CD2AP: variants seen among roughly 807,000 people sequenced by gnomAD.
CD2AP encodes the protein CD2-associated protein.
In CD2AP, 46 loss-of-function variants were observed where a neutral mutation model predicts 85.1. That is an observed-to-expected ratio of 0.54 (90% CI 0.43 to 0.69). CD2AP has a LOEUF of 0.69. CD2AP is among the 30% of genes least tolerant of loss of function. The pLI is 0.00. For synonymous variants in CD2AP, 255 were observed against 252.9 expected (o/e 1.01, Z -0.08); for missense variants, 769 against 729.5 (o/e 1.05, Z -0.62).
intron 1 of CD2AP, among the ~76,000 whole-genome samples, chr6:47,484,135 T>A (rs1263315842): frequency 6.6e-6 from 1 of 152,150 alleles, no homozygotes; most frequent in African/African-American, 2.4e-5. Context: ...AGCTTTTGTT[T>A]ATTTTGGCTT....
rs1215757994 is a variant in CD2AP, at chr6:47,602,161, A to G, written c.1417+2718A>G. 2.6e-5 allele frequency among the ~76,000 whole-genome samples: 4 copies of G among 152,124 alleles called. No individual in the cohort carries two copies. The East Asian group carries it at 7.7e-4, about 29-fold the overall frequency. On this transcript the variant is annotated intron_variant, in intron 13 of 17. Coordinates refer to ENST00000359314, the MANE Select transcript of CD2AP (RefSeq NM_012120.3). ...AAACGTTTATGTGTATATATAAACT[A>G]TGTATATAAATGCAGACTGACTTTT...
intron 11 of CD2AP, among the ~76,000 whole-genome samples, chr6:47,589,096 C>T (rs1019219220): frequency 6.6e-6 from 1 of 151,790 alleles, no homozygotes; most frequent in African/African-American, 2.4e-5. Context: ...ATGATTATGA[C>T]GATGGGGAAA....
At chr6:47,493,227 GA>G (rs1218635706) in intron 1 of CD2AP, among the ~76,000 whole-genome samples, 1 of 151,834 alleles carries the variant, frequency 6.6e-6, no homozygotes, top group East Asian at 1.9e-4. Context: ...TTTCTCTGAA[GA>G]ACTTCCTTTA....
chr6:47,622,240 G>A (rs1769766422), intron 17 of CD2AP, among the ~76,000 whole-genome samples: 1 of 152,186 alleles, frequency 6.6e-6, no homozygotes, highest in Admixed American at 6.5e-5. Flanking sequence ...AGATGGGCTT[G>A]AAAACTTGCC....
rs1769896684 is a variant in CD2AP at position 47,625,973 on chromosome 6, TTAAA to T, written c.*1752_*1755del. 6.6e-6 allele frequency: 1 copy of T among 151,902 alleles called. No homozygotes were observed. Among genetic ancestry groups the T allele is most frequent in the Admixed American group, 6.6e-5 (1 of 15,258 alleles). The allele number at this position is 151,902 out of a possible 1,614,324, so 9.4% of individuals were successfully genotyped here. On this transcript the variant is annotated 3_prime_UTR_variant, in exon 18 of 18. Coordinates refer to ENST00000359314, the MANE Select transcript of CD2AP (RefSeq NM_012120.3). ...AGTCAAATGAATTATTTTCTTCTTG[TTAAA>T]TAAATTAAATCTTACTTTCTTTTAA...
At chr6:47,589,118 G>A (rs900667248) in intron 11 of CD2AP, among the ~76,000 whole-genome samples, 1 of 152,054 alleles carries the variant, frequency 6.6e-6, no homozygotes, top group African/African-American at 2.4e-5. Context: ...GAGATAGGAA[G>A]TATGGAATAG....
chr6:47,566,284 G>A (rs1291301161), intron 5 of CD2AP, among the ~76,000 whole-genome samples: 1 of 113,870 alleles, frequency 8.8e-6, no homozygotes, highest in Non-Finnish European at 2.0e-5. Flanking sequence ...CTTATTGTCT[G>A]TCTACCTGCT....
At chr6:47,539,732 A>G (rs914102907) in intron 3 of CD2AP, among the ~76,000 whole-genome samples, 1 of 152,180 alleles carries the variant, frequency 6.6e-6, no homozygotes, top group East Asian at 1.9e-4. Context: ...GTGCTGGTAC[A>G]TGAAAGAAAT....
At chr6:47,478,663 CTTCT>C (rs1489346902) in intron 1 of CD2AP, among the ~76,000 whole-genome samples, 38 of 152,310 alleles carry the variant, frequency 2.5e-4, no homozygotes, top group Admixed American at 2.4e-3. Context: ...GCACTTTCAA[CTTCT>C]TTATTTTCTG....
At chr6:47,591,758 G>C (rs556235840) in intron 11 of CD2AP, among the ~76,000 whole-genome samples, 1 of 152,166 alleles carries the variant, frequency 6.6e-6, no homozygotes, top group South Asian at 2.1e-4. Flanking sequence ...TTATTTTGTT[G>C]TATTTTGTTA....
Position 47,579,446 on chromosome 6 carries a change from A to G in CD2AP, c.965A>G (p.Asp322Gly). ...ELNGKEGVFP[D>G]NFAVQINELD... is the part of the protein sequence containing the mutation. ...AATGGTAAAGAAGGAGTATTTCCAG[A>G]CAATTTTGCTGTCCAGATAAATGAA... is the stretch of plus-strand genomic sequence containing the variant. Residue 322 changes from aspartate (D) to glycine (G), a missense_variant, in exon 9 of 18, where the codon GAC becomes GGC. Physicochemically the swap from Asp to Gly is moderately conservative, Grantham distance 94. Transcript: ENST00000359314. 6.2e-7 allele frequency: 1 copy of G among 1,613,144 alleles called. No homozygotes were observed. Among genetic ancestry groups the G allele is most frequent in the Non-Finnish European group, 8.5e-7 (1 of 1,179,120 alleles).
rs776841731 is a variant in CD2AP at position 47,609,357 on chromosome 6, A to G, written c.1814+53A>G. ...GTACTACTTAACCCATGCATAAAGA[A>G]TTTTTTTCAAACCATATTAAGTAAA... On this transcript the variant is annotated intron_variant, in intron 16 of 17. Transcript: ENST00000359314. 1.0e-5 allele frequency: 14 copies of G among 1,404,708 alleles called. No individual in the cohort carries two copies. The East Asian group carries it at 3.0e-4, about 30-fold the overall frequency. The allele number at this position is 1,404,708 out of a possible 1,614,324, so 87.0% of individuals were successfully genotyped here.
chr6:47,522,904 A>G (rs1766632422), intron 2 of CD2AP, among the ~76,000 whole-genome samples: 1 of 151,958 alleles, frequency 6.6e-6, no homozygotes, highest in African/African-American at 2.4e-5. Context: ...AATATGAAGA[A>G]TAAGAGATGT....
intron 2 of CD2AP, among the ~76,000 whole-genome samples, chr6:47,527,462 T>C (rs1006369296): frequency 2.0e-5 from 3 of 152,256 alleles, no homozygotes; most frequent in African/African-American, 4.8e-5. Flanking sequence ...GGGAGAATTA[T>C]ACTGTGGAGA....
At chr6:47,577,458 G>A (rs1768345323) in intron 8 of CD2AP, among the ~76,000 whole-genome samples, 1 of 151,662 alleles carries the variant, frequency 6.6e-6, no homozygotes, top group Non-Finnish European at 1.5e-5. Context: ...CTGTCGTTTG[G>A]AGTGTTGTTT....
intron 2 of CD2AP, among the ~76,000 whole-genome samples, chr6:47,531,412 C>T (rs1766871800): frequency 6.6e-6 from 1 of 151,848 alleles, no homozygotes; most frequent in African/African-American, 2.4e-5. Context: ...AATGTGTACA[C>T]CTTTTGGGCA....
chr6:47,587,071 T>G (rs907347172), intron 11 of CD2AP, among the ~76,000 whole-genome samples: 2 of 152,190 alleles, frequency 1.3e-5, no homozygotes, highest in African/African-American at 4.8e-5. Context: ...GAATATTAAA[T>G]ATTGTTAAAT....
chr6:47,511,270 C>T (rs1386344003), intron 2 of CD2AP, among the ~76,000 whole-genome samples: 1 of 152,066 alleles, frequency 6.6e-6, no homozygotes, highest in Non-Finnish European at 1.5e-5. Context: ...ATGATCCTGG[C>T]TGGGGAAAAC....
intron 5 of CD2AP, among the ~76,000 whole-genome samples, chr6:47,572,288 C>G (rs1462287188): frequency 6.6e-6 from 1 of 152,206 alleles, no homozygotes; most frequent in East Asian, 1.9e-4. Flanking sequence ...CGATGGTGTA[C>G]AAGTGCTGGG....
Sources: gnomAD v4.1 joint callset for allele counts (sites outside exome capture counted in the v4.1 genomes callset) on GRCh38, gnomAD v4.1.1 for gene constraint, MANE v1.5 for transcripts, NCBI Gene and HGNC (gene_info 2026-07-23, HGNC 2026-07-21) for gene names.